Variants in YWHAZ observed in about 807,000 individuals in gnomAD.
The protein encoded by YWHAZ is tyrosine 3-monooxygenase/tryptophan 5-monooxygenase activation protein zeta, also known as 14-3-3 protein zeta/delta.
For missense variants in YWHAZ, 79 were observed against 284.8 expected (o/e 0.28, Z 5.20); for synonymous variants, 87 against 103.6 (o/e 0.84, Z 0.97).
At chr8:100,951,269 G>C in intron 1 of YWHAZ, 2 of 984,792 alleles carry the variant, frequency 2.0e-6, no homozygotes, top group South Asian at 4.7e-5. Flanking sequence ...CTGGGCTCCG[G>C]CCCGCTCTCG....
At chr8:100,933,061 T>C (rs1038831648) in intron 2 of YWHAZ, among the ~76,000 whole-genome samples, 29 of 152,022 alleles carry the variant, frequency 1.9e-4, no homozygotes, top group Admixed American at 4.6e-4. Flanking sequence ...GTATTTGCCA[T>C]GAAAATAGTT....
At chr8:100,930,725 C>T (rs1359541300) in intron 2 of YWHAZ, among the ~76,000 whole-genome samples, 1 of 152,058 alleles carries the variant, frequency 6.6e-6, no homozygotes, top group Non-Finnish European at 1.5e-5. Context: ...AATGCAGTGG[C>T]CCCATCATAG....
At chr8:100,952,199 C>T (rs1407841019), upstream of YWHAZ, 4 of 979,606 alleles carry the variant, frequency 4.1e-6, no homozygotes, top group South Asian at 4.7e-5. Flanking sequence ...GGCGCTCGTC[C>T]TGCCCGCCCG....
chr8:100,934,859 C>T (rs1417023430), intron 2 of YWHAZ: 1 of 152,182 alleles, frequency 6.6e-6, no homozygotes, highest in Non-Finnish European at 1.5e-5. Context: ...GAGATTACCT[C>T]CAAGAAGGCA....
At chr8:100,929,881 G>A (rs1813642833) in intron 2 of YWHAZ, among the ~76,000 whole-genome samples, 1 of 152,076 alleles carries the variant, frequency 6.6e-6, no homozygotes, top group African/African-American at 2.4e-5. Context: ...AAACATGGAG[G>A]TGCACCAAGT....
chr8:100,942,378 A>T (rs1441616152), intron 2 of YWHAZ, among the ~76,000 whole-genome samples: 2 of 152,254 alleles, frequency 1.3e-5, no homozygotes, highest in African/African-American at 4.8e-5. Flanking sequence ...TTTCACATAT[A>T]CAAGCTTTTC....
chr8:100,924,342 A>C lies in YWHAZ; in HGVS notation c.419-44T>G. 6.3e-7 allele frequency: 1 copy of C among 1,579,474 alleles called. No individual in the cohort carries two copies. The highest frequency in any genetic ancestry group is 1.3e-5 in the African/African-American group (1 of 74,126). ...AACGTACTGAGATAAAGTGTGCATT[A>C]TATCTTCACCCCTCAAACCAAACCT... On this transcript the variant is annotated intron_variant, in intron 3 of 5. Coordinates refer to ENST00000395958, the MANE Select transcript of YWHAZ (RefSeq NM_145690.3). The surrounding 1 kb of genome is among the most constrained non-coding windows in gnomAD (Gnocchi z 5.7).
chr8:100,951,166 G>A, intron 1 of YWHAZ: 2 of 984,942 alleles, frequency 2.0e-6, no homozygotes, highest in Non-Finnish European at 2.4e-6. Context: ...TCCCAGGCGA[G>A]CCCCACCCCA....
Position 100,924,676 on chromosome 8 carries a change from G to C in YWHAZ, c.418+240C>G, listed in dbSNP as rs747008778. 1.3e-5 allele frequency among the ~76,000 whole-genome samples: 2 copies of C among 152,040 alleles called. No homozygotes were observed. Among genetic ancestry groups the C allele is most frequent in the Non-Finnish European group, 2.9e-5 (2 of 68,018 alleles). On this transcript the variant is annotated intron_variant, in intron 3 of 5. Transcript: ENST00000395958. This position sits in a 1 kb window ranked among gnomAD's most constrained non-coding sequence, Gnocchi z 5.7. ...GTAGAGAGAGATGTTGCTCAGGCTG[G>C]TCACTTTTCTTAAAATCTTGAAAAA... is the stretch of plus-strand genomic sequence containing the variant.
chr8:100,928,221 A>G (rs1813502360), intron 2 of YWHAZ, among the ~76,000 whole-genome samples: 1 of 151,986 alleles, frequency 6.6e-6, no homozygotes, highest in Admixed American at 6.5e-5. Context: ...CGGAGCTTGC[A>G]GTGAGCTGAG....
intron 5 of YWHAZ, among the ~76,000 whole-genome samples, chr8:100,921,058 G>A (rs2130085363): frequency 6.6e-6 from 1 of 151,828 alleles, no homozygotes; most frequent in South Asian, 2.1e-4. Context: ...TTTTTGAGAT[G>A]GAGTCTCGCT....
intron 2 of YWHAZ, among the ~76,000 whole-genome samples, chr8:100,938,424 ATACT>A (rs760395495): frequency 2.6e-5 from 4 of 152,320 alleles, no homozygotes; most frequent in Admixed American, 6.5e-5. Flanking sequence ...AAATTTCTGT[ATACT>A]TAAACATATT....
rs752599941 is a variant in YWHAZ, at chr8:100,924,065, T to C, written c.583-15A>G. ...TCATCAAAAGCCTACGATTTAAAAA[T>C]AGTACATTACATTTCAGTGCTCAAA... On this transcript the variant is annotated splice_polypyrimidine_tract_variant and intron_variant, in intron 4 of 5. Transcript: ENST00000395958. This position sits in a 1 kb window ranked among gnomAD's most constrained non-coding sequence, Gnocchi z 5.7. 1.6e-5 allele frequency: 26 copies of C among 1,608,670 alleles called. No homozygotes were observed. In the South Asian group the frequency reaches 1.8e-4, roughly 11 times the overall value.
Position 100,948,252 on chromosome 8 carries a change from T to G in YWHAZ, c.294+344A>C, listed in dbSNP as rs1289110539. 2.1e-5 allele frequency: 21 copies of G among 983,516 alleles called. No homozygotes were observed. Among genetic ancestry groups the G allele is most frequent in the Non-Finnish European group, 2.7e-5 (19 of 694,210 alleles). The allele number at this position is 983,516 out of a possible 1,614,324, so 60.9% of individuals were successfully genotyped here. A position where few individuals can be genotyped will look rare whatever the true frequency, so the allele number is the denominator to read the frequency against. On this transcript the variant is annotated intron_variant, in intron 2 of 5. Transcript: ENST00000395958. This position sits in a 1 kb window ranked among gnomAD's most constrained non-coding sequence, Gnocchi z 4.2. ...TATGTAAAATTCCTTTATCCACAGA[T>G]GTACATTTAAGATAACCAGCTATAG... is the stretch of plus-strand genomic sequence containing the variant.
intron 2 of YWHAZ, among the ~76,000 whole-genome samples, chr8:100,937,418 C>T (rs1221976906): frequency 1.3e-5 from 2 of 151,910 alleles, no homozygotes; most frequent in Non-Finnish European, 2.9e-5. Flanking sequence ...TGTCTTAAAA[C>T]AGTATTTCAC....
Position 100,924,861 on chromosome 8 carries a change from T to C in YWHAZ, c.418+55A>G. On this transcript the variant is annotated intron_variant, in intron 3 of 5. Coordinates refer to ENST00000395958, the MANE Select transcript of YWHAZ (RefSeq NM_145690.3). The surrounding 1 kb of genome is among the most constrained non-coding windows in gnomAD (Gnocchi z 5.7). ...GACATTATGTACGCTTCAGAGACTC[T>C]TCCTCACTATGTTATCTTATACAAG... 1 of 1,605,190 alleles carries C rather than the reference T, an allele frequency of 6.2e-7. No individual in the cohort carries two copies. The highest frequency in any genetic ancestry group is 8.5e-7 in the Non-Finnish European group (1 of 1,176,118).
At position 100,949,288 on chromosome 8, in the gene YWHAZ, T is replaced by C. The variant is rs1488491683; in HGVS notation, c.-11-388A>G. On this transcript the variant is annotated intron_variant, in intron 1 of 5. Transcript: ENST00000395958. ...AATTAAGCAGCTTTTCTTCCTTTAG[T>C]AAAAGCATTGTTTACAGAGAACATC... Among the ~76,000 whole-genome samples the C allele has an allele frequency of 2.0e-5, 3 of 152,360 alleles. No individual in the cohort carries two copies. The East Asian group carries it at 5.8e-4, about 29-fold the overall frequency.
In YWHAZ at chr8:100,919,271, C is replaced by T. The variant is rs1396388634; in HGVS notation, c.*1422G>A. ...ATAAAGGATCAAAATTGAAGGCAGG[C>T]TATAAGAGTATCAAGAAATTCTTAA... is the stretch of plus-strand genomic sequence containing the variant. On this transcript the variant is annotated 3_prime_UTR_variant, in exon 6 of 6. Transcript: ENST00000395958. 4 of 152,566 alleles carry T rather than the reference C, an allele frequency of 2.6e-5. No homozygotes were observed. Among genetic ancestry groups the T allele is most frequent in the Non-Finnish European group, 2.9e-5 (2 of 68,024 alleles). 9.5% of individuals were successfully genotyped at this position (152,566 alleles called of 1,614,324 possible).
At chr8:100,933,135 T>G (rs527748183) in intron 2 of YWHAZ, among the ~76,000 whole-genome samples, 1 of 152,026 alleles carries the variant, frequency 6.6e-6, no homozygotes, top group South Asian at 2.1e-4. Flanking sequence ...CCGAGGTGGG[T>G]GGATCATGAG....
Sources: allele counts gnomAD v4.1 joint callset (sites outside exome capture counted in the v4.1 genomes callset), GRCh38; gene constraint gnomAD v4.1.1; non-coding constraint Gnocchi (gnomAD v3.1); transcripts MANE v1.5; gene names NCBI Gene and HGNC (gene_info 2026-07-23, HGNC 2026-07-21).